PRKG2: variants seen among roughly 807,000 people sequenced by gnomAD.
The protein encoded by PRKG2 is protein kinase cGMP-dependent 2.
In PRKG2, 33 loss-of-function variants were observed where a neutral mutation model predicts 97.2. That is an observed-to-expected ratio of 0.34 (90% CI 0.26 to 0.45). PRKG2 has a LOEUF of 0.45. PRKG2 is among the 20% of genes least tolerant of loss of function. The pLI, the probability that PRKG2 is intolerant of heterozygous loss-of-function variation, is 1.00. For synonymous variants in PRKG2, 330 were observed against 321.8 expected, an observed-to-expected ratio of 1.03 and a Z score of -0.27; for missense variants, 638 against 900.0, an observed-to-expected ratio of 0.71 and a Z score of 3.73.
At chr4:81,188,191 C>A (rs1175377966) in intron 2 of PRKG2, among the ~76,000 whole-genome samples, 2 of 151,722 alleles carry the variant, frequency 1.3e-5, no homozygotes, top group African/African-American at 4.9e-5. Context: ...AAACAAACAA[C>A]CCCATCAAAC....
intron 10 of PRKG2, among the ~76,000 whole-genome samples, chr4:81,143,778 T>C (rs1434018336): frequency 6.6e-6 from 1 of 152,172 alleles, no homozygotes; most frequent in Admixed American, 6.6e-5. Context: ...AGTAGAGTTT[T>C]CTAGTACACA....
At chr4:81,125,413 T>C (rs911154479) in intron 14 of PRKG2, among the ~76,000 whole-genome samples, 1 of 152,208 alleles carries the variant, frequency 6.6e-6, no homozygotes, top group African/African-American at 2.4e-5. Context: ...TGTGTGTGGC[T>C]TCCTTTGATT....
intron 12 of PRKG2, among the ~76,000 whole-genome samples, chr4:81,138,541 TA>T (rs1229465730): frequency 6.6e-6 from 1 of 152,126 alleles, no homozygotes; most frequent in African/African-American, 2.4e-5. Flanking sequence ...GATTACATAT[TA>T]TTATGTATAT....
At chr4:81,217,362 A>G (rs1411313993), upstream of PRKG2, among the ~76,000 whole-genome samples, 1 of 152,150 alleles carries the variant, frequency 6.6e-6, no homozygotes, top group African/African-American at 2.4e-5. Flanking sequence ...AAAGCTGTCG[A>G]TGCAGTGCAG....
chr4:81,138,079 C>G (rs1268391470), intron 12 of PRKG2, among the ~76,000 whole-genome samples: 1 of 152,158 alleles, frequency 6.6e-6, no homozygotes, highest in Non-Finnish European at 1.5e-5. Flanking sequence ...TCAAGAGGCT[C>G]TGCAGTTGTT....
chr4:81,144,610 A>ATATATAT (rs1553923811), intron 9 of PRKG2, among the ~76,000 whole-genome samples: 40 of 140,062 alleles, frequency 2.9e-4, no homozygotes, highest in African/African-American at 1.1e-3. Context: ...ATATATATAT[A>ATATATAT]TTTTTTTTTT....
intron 17 of PRKG2, among the ~76,000 whole-genome samples, chr4:81,100,263 C>T (rs539917504): frequency 1.1e-4 from 17 of 152,228 alleles, no homozygotes; most frequent in African/African-American, 3.9e-4. Flanking sequence ...CAAGTCAATC[C>T]TAAGCCAAAA....
intron 14 of PRKG2, among the ~76,000 whole-genome samples, chr4:81,112,671 C>T (rs1001889965): frequency 6.6e-6 from 1 of 152,112 alleles, no homozygotes; most frequent in African/African-American, 2.4e-5. Flanking sequence ...GTAAATGTAT[C>T]GCTTTCTTTA....
chr4:81,095,752 A>G (rs1742047570), intron 17 of PRKG2, among the ~76,000 whole-genome samples: 1 of 152,232 alleles, frequency 6.6e-6, no homozygotes, highest in African/African-American at 2.4e-5. Context: ...GAAGACTCAT[A>G]GAGTCTATTC....
chr4:81,098,240 C>T (rs914506998), intron 17 of PRKG2, among the ~76,000 whole-genome samples: 7 of 152,166 alleles, frequency 4.6e-5, no homozygotes, highest in Non-Finnish European at 7.3e-5. Context: ...ACATCGGACT[C>T]GAAGTTCTTC....
At chr4:81,122,026 G>A (rs1179541925) in intron 14 of PRKG2, among the ~76,000 whole-genome samples, 1 of 152,040 alleles carries the variant, frequency 6.6e-6, no homozygotes. Flanking sequence ...TTTTAGCTGA[G>A]GTGCATTACT....
At chr4:81,144,761 C>A (rs1464538186) in intron 9 of PRKG2, among the ~76,000 whole-genome samples, 1 of 115,856 alleles carries the variant, frequency 8.6e-6, no homozygotes, top group East Asian at 3.0e-4. Flanking sequence ...TCCCCCCTCC[C>A]CCCACCCCAT....
chr4:81,211,488 T>G (rs1032501532), intron 1 of PRKG2, among the ~76,000 whole-genome samples: 5 of 152,188 alleles, frequency 3.3e-5, no homozygotes, highest in Non-Finnish European at 7.4e-5. Context: ...AGTAAGATAC[T>G]GAAAAATTTC....
chr4:81,181,600 A>C (rs966134108), intron 2 of PRKG2, among the ~76,000 whole-genome samples: 2 of 150,904 alleles, frequency 1.3e-5, no homozygotes, highest in African/African-American at 4.9e-5. Context: ...TCTTTGAAAA[A>C]AATAATAAAA....
At chr4:81,152,233 T>C (rs1313309220) in intron 7 of PRKG2, among the ~76,000 whole-genome samples, 179 bp from the exon 8 acceptor site, 1 of 152,202 alleles carries the variant, frequency 6.6e-6, no homozygotes, top group Non-Finnish European at 1.5e-5. Flanking sequence ...TTTTGATGGA[T>C]GTGGGAAGTC....
At chr4:81,136,100 T>C (rs533715923) in intron 13 of PRKG2, among the ~76,000 whole-genome samples, 8 of 152,272 alleles carry the variant, frequency 5.3e-5, no homozygotes, top group South Asian at 4.1e-4. Flanking sequence ...AATTTGCCTA[T>C]TGAAGCAAAG....
chr4:81,131,632 A>T (rs2110021280), intron 14 of PRKG2, among the ~76,000 whole-genome samples: 1 of 152,328 alleles, frequency 6.6e-6, no homozygotes, highest in South Asian at 2.1e-4. Context: ...TAGGTGATTT[A>T]CAGGTCTAGG....
At chr4:81,152,766 G>T (rs1748543401) in intron 7 of PRKG2, among the ~76,000 whole-genome samples, 1 of 152,206 alleles carries the variant, frequency 6.6e-6, no homozygotes, top group East Asian at 1.9e-4. Flanking sequence ...TTATCACCAA[G>T]AATTATTTCA....
chr4:81,179,182 A>G (rs762856733), intron 2 of PRKG2, among the ~76,000 whole-genome samples: 1 of 152,122 alleles, frequency 6.6e-6, no homozygotes, highest in Non-Finnish European at 1.5e-5. Flanking sequence ...CAATTAAAAA[A>G]TGTCAAGCAC....
Sources: gnomAD v4.1 joint callset for allele counts (sites outside exome capture counted in the v4.1 genomes callset) on GRCh38, gnomAD v4.1.1 for gene constraint, MANE v1.5 for transcripts, NCBI Gene and HGNC (gene_info 2026-07-23, HGNC 2026-07-21) for gene names.